The following TRPC7 variants were observed in gnomAD, a reference collection of about 807,000 sequenced individuals.
TRPC7 encodes transient receptor potential cation channel subfamily C member 7, also known as short transient receptor potential channel 7.
TRPC7 carries 42 observed loss-of-function variants against 90.1 expected under a neutral mutation model. The observed-to-expected ratio is 0.47, with a 90% confidence interval of 0.36 to 0.60. The LOEUF (loss-of-function observed/expected upper bound fraction) is 0.60. Ranked by LOEUF, TRPC7 falls within the 20% of genes least tolerant of loss-of-function variation. The probability of loss-of-function intolerance (pLI) is 0.00; values close to 1 mark genes in which losing one functional copy is unlikely to be tolerated. For synonymous variants in TRPC7, 451 were observed against 436.3 expected, an observed-to-expected ratio of 1.03 and a Z score of -0.42; for missense variants, 955 against 1,112.3, an observed-to-expected ratio of 0.86 and a Z score of 2.01.
At chr5:136,314,771 C>T (rs2149838791) in intron 3 of TRPC7, among the ~76,000 whole-genome samples, 1 of 152,266 alleles carries the variant, frequency 6.6e-6, no homozygotes, top group Admixed American at 6.5e-5. Context: ...AAGCTTAAAA[C>T]ATTAAAACCC....
chr5:136,260,110 G>T (rs1756808602), intron 5 of TRPC7, among the ~76,000 whole-genome samples: 1 of 152,200 alleles, frequency 6.6e-6, no homozygotes, highest in African/African-American at 2.4e-5. Flanking sequence ...ATAGGATGAG[G>T]GGATTGGGAA....
At position 136,341,580 on chromosome 5, in the gene TRPC7, G is replaced by T. The variant is rs1238861173; in HGVS notation, c.780+15028C>A. 2.6e-5 allele frequency among the ~76,000 whole-genome samples: 4 copies of T among 152,044 alleles called. 1 individual carries two copies. The highest frequency in any genetic ancestry group is 4.4e-5 in the Non-Finnish European group (3 of 68,010). ...GGAATTGACACTGGGGCAAAGAGAG[G>T]GTTAAGGAAGAGGAGCTTACTTCTT... On this transcript the variant is annotated intron_variant, in intron 2 of 11. Transcript: ENST00000513104.
chr5:136,280,926 G>A (rs1757528889), intron 3 of TRPC7, among the ~76,000 whole-genome samples: 1 of 152,184 alleles, frequency 6.6e-6, no homozygotes, highest in African/African-American at 2.4e-5. Flanking sequence ...GAGAGATTAA[G>A]TAACTTGTCT....
Position 136,247,578 on chromosome 5 carries a change from G to T in TRPC7, c.1737C>A (p.Ile579=). 6.2e-7 allele frequency: 1 copy of T among 1,613,978 alleles called. No individual in the cohort carries two copies. Among genetic ancestry groups the T allele is most frequent in the South Asian group, 1.1e-5 (1 of 91,072 alleles). The part of the protein sequence containing the change: ...QISLGRTVKD[I]FKFMVIFIMV... ...TGATGAAAATGACCATGAACTTGAA[G>T]ATATCTTTCACAGTTCTCCCTAGCG... Residue 579 remains isoleucine (I), a synonymous_variant, in exon 7 of 12, where the codon ATC becomes ATA. Transcript: ENST00000513104. The surrounding 1 kb of genome is among the most constrained non-coding windows in gnomAD (Gnocchi z 4.2).
chr5:136,320,492 C>T (rs999458032), intron 2 of TRPC7, among the ~76,000 whole-genome samples: 3 of 152,156 alleles, frequency 2.0e-5, no homozygotes, highest in Non-Finnish European at 4.4e-5. Context: ...GTGGGGTCGT[C>T]AGTCACTGAT....
intron 2 of TRPC7, among the ~76,000 whole-genome samples, chr5:136,335,245 C>T (rs1188318094): frequency 1.3e-5 from 2 of 152,094 alleles, no homozygotes; most frequent in Non-Finnish European, 2.9e-5. Context: ...TTTGAACTCC[C>T]AAGTGGTCAT....
intron 1 of TRPC7, 89 bp downstream of exon 1, chr5:136,365,164 T>G: frequency 7.1e-7 from 1 of 1,408,692 alleles, no homozygotes; most frequent in South Asian, 1.2e-5. Context: ...AGAAGGCTGA[T>G]AAATGAAAGT....
At chr5:136,265,744 A>T (rs1381344857) in intron 5 of TRPC7, among the ~76,000 whole-genome samples, 1 of 152,170 alleles carries the variant, frequency 6.6e-6, no homozygotes, top group African/African-American at 2.4e-5. Flanking sequence ...TACACAAATA[A>T]CAAGAAAATG....
chr5:136,258,625 A>G (rs1393272270), intron 5 of TRPC7, among the ~76,000 whole-genome samples: 1 of 152,204 alleles, frequency 6.6e-6, no homozygotes, highest in Non-Finnish European at 1.5e-5. Flanking sequence ...CTCAAGGGAA[A>G]TGAGTAGCTT....
At chr5:136,339,057 C>T (rs1468112745) in intron 2 of TRPC7, among the ~76,000 whole-genome samples, 1 of 152,118 alleles carries the variant, frequency 6.6e-6, no homozygotes, top group African/African-American at 2.4e-5. Flanking sequence ...ACATTAAGTT[C>T]TTTTCATTGA....
chr5:136,338,002 T>C (rs1054021401), intron 2 of TRPC7, among the ~76,000 whole-genome samples: 2 of 152,090 alleles, frequency 1.3e-5, no homozygotes. Flanking sequence ...TCCAAACAAC[T>C]GCATTGTGAG....
chr5:136,323,607 T>G (rs1470419876), intron 2 of TRPC7, among the ~76,000 whole-genome samples: 1 of 152,234 alleles, frequency 6.6e-6, no homozygotes, highest in Non-Finnish European at 1.5e-5. Flanking sequence ...TTTCTTCATG[T>G]AGTCTTTTTT....
chr5:136,278,012 A>G (rs1245558709), intron 3 of TRPC7, among the ~76,000 whole-genome samples: 2 of 152,218 alleles, frequency 1.3e-5, no homozygotes, highest in Non-Finnish European at 2.9e-5. Flanking sequence ...AGAGAAAATA[A>G]ATCAAACTAC....
At chr5:136,342,874 T>C (rs1759886737) in intron 2 of TRPC7, among the ~76,000 whole-genome samples, 1 of 152,088 alleles carries the variant, frequency 6.6e-6, no homozygotes, top group African/African-American at 2.4e-5. Context: ...CAAAGTCCTA[T>C]GATGAAACTG....
At chr5:136,301,113 T>G (rs1758366834) in intron 3 of TRPC7, among the ~76,000 whole-genome samples, 1 of 152,144 alleles carries the variant, frequency 6.6e-6, no homozygotes, top group Non-Finnish European at 1.5e-5. Flanking sequence ...CACTGCAACC[T>G]CTGCCTCTTG....
intron 2 of TRPC7, among the ~76,000 whole-genome samples, chr5:136,335,937 G>C (rs1274504917): frequency 7.6e-6 from 1 of 131,858 alleles, no homozygotes; most frequent in Non-Finnish European, 1.6e-5. Context: ...AAAGCTACGA[G>C]ATAAAACTCA....
rs570625045 is a variant in TRPC7 at position 136,356,624 on chromosome 5, A to G, written c.764T>C (p.Ile255Thr). Residue 255 changes from isoleucine to threonine, a missense_variant, in exon 2 of 12, where the codon ATT becomes ACT. Transcript: ENST00000513104. The part of the protein sequence containing the change: ...LSNELARLAN[I>T]ETEFKNDYRK... ...AAGAGTTACCTTAAATTCAGTCTCA[A>G]TGTTGGCTAGTCTGGCTAACTCGTT... 1.2e-5 allele frequency: 19 copies of G among 1,538,470 alleles called. No individual in the cohort carries two copies. Among genetic ancestry groups the G allele is most frequent in the South Asian group, 3.8e-5 (3 of 79,482 alleles).
At chr5:136,344,605 C>T (rs1207237332) in intron 2 of TRPC7, among the ~76,000 whole-genome samples, 1 of 152,162 alleles carries the variant, frequency 6.6e-6, no homozygotes, top group Non-Finnish European at 1.5e-5. Context: ...CATTAGACAG[C>T]AGCACGTGGC....
chr5:136,334,208 A>T (rs996688273), intron 2 of TRPC7, among the ~76,000 whole-genome samples: 1 of 152,154 alleles, frequency 6.6e-6, no homozygotes, highest in Non-Finnish European at 1.5e-5. Flanking sequence ...TTGTGTCATG[A>T]CTCATCTGAT....
Sources: gnomAD v4.1 joint callset for allele counts (sites outside exome capture counted in the v4.1 genomes callset) on GRCh38, gnomAD v4.1.1 for gene constraint, Gnocchi (gnomAD v3.1) non-coding constraint, MANE v1.5 for transcripts, NCBI Gene and HGNC (gene_info 2026-07-23, HGNC 2026-07-21) for gene names.